The following CACNA1H variants were observed in gnomAD, a reference collection of about 807,000 sequenced individuals.
CACNA1H encodes calcium voltage-gated channel subunit alpha1 H.
In CACNA1H, 149 loss-of-function variants were observed where a neutral mutation model predicts 192.5. That is an observed-to-expected ratio of 0.77 (90% CI 0.68 to 0.89). The LOEUF (loss-of-function observed/expected upper bound fraction) is 0.89. Among genes scored for constraint, CACNA1H ranks in the 40% least tolerant of loss-of-function variants. The pLI is 0.00. For synonymous variants in CACNA1H, 2,202 were observed against 1,475.2 expected (o/e 1.49, Z -11.29); for missense variants, 4,257 against 3,423.5 (o/e 1.24, Z -6.08).
Position 1,212,422 on chromosome 16 carries a change from G to A in CACNA1H, c.4760-89G>A, listed in dbSNP as rs552943329. ...TCCACGAGGAGCCAGCACAGCCCCC[G>A]AGACACGGGGGCTGAGGGAGAGCAG... On this transcript the variant is annotated intron_variant, in intron 25 of 34. Transcript: ENST00000348261. 2.4e-4 allele frequency: 329 copies of A among 1,373,930 alleles called. 3 individuals are homozygous for A. In the South Asian group the frequency reaches 3.5e-3, roughly 15 times the overall value. 85.1% of individuals were successfully genotyped at this position (1,373,930 alleles called of 1,614,324 possible).
In CACNA1H at chr16:1,211,254, G is replaced by C; in HGVS notation, c.4310G>C (p.Cys1437Ser). 1.9e-6 allele frequency: 3 copies of C among 1,613,144 alleles called. No individual in the cohort carries two copies. The highest frequency in any genetic ancestry group is 1.1e-5 in the South Asian group (1 of 91,082). ...LRPIGNIVLI[C>S]CAFFIIFGIL... Reference sequence around the variant, plus strand: ...CCCATTGGGAACATCGTCCTCATCTGCTGCGCCTTCTTCATCATTTTTGGC... The same window carrying C: ...CCCATTGGGAACATCGTCCTCATCTCCTGCGCCTTCTTCATCATTTTTGGC... Residue 1437 changes from cysteine (C) to serine (S), a missense_variant, in exon 22 of 35, where the codon TGC (cysteine) becomes TCC (serine). Transcript: ENST00000348261.
chr16:1,210,123 C>G lies in CACNA1H; in HGVS notation c.3833C>G (p.Ser1278Cys), dbSNP rs943386658. 15 of 1,557,232 alleles carry G rather than the reference C, an allele frequency of 9.6e-6. No homozygotes were observed. The highest frequency in any genetic ancestry group is 1.3e-5 in the Non-Finnish European group (15 of 1,151,088). ...GAGGCCTGGGCCCTCTACCTCTTCT[C>G]CCCACAGAACCGGTGAGGCGGCCGG... is the stretch of plus-strand genomic sequence containing the variant. ...SREAWALYLFSPQNRFRVSCQ... is the reference protein window; with the variant it reads ...SREAWALYLFCPQNRFRVSCQ... Residue 1278 changes from serine (S) to cysteine (C), a missense_variant, in exon 18 of 35, where the codon TCC becomes TGC. Transcript: ENST00000348261.
intron 30 of CACNA1H, 140 bp downstream of exon 30, chr16:1,215,733 T>C: frequency 1.4e-6 from 1 of 711,886 alleles, no homozygotes. Flanking sequence ...CCCTGCTGTG[T>C]GCAGTGCATG....
At chr16:1,204,701 C>A (rs140382561) in intron 10 of CACNA1H, among the ~76,000 whole-genome samples, 3 of 151,690 alleles carry the variant, frequency 2.0e-5, no homozygotes, top group Non-Finnish European at 2.9e-5. Flanking sequence ...TGAGATGCTG[C>A]TGCAGCCCTC....
In CACNA1H at chr16:1,220,545, C is replaced by G; in HGVS notation, c.6613C>G (p.Arg2205Gly). The change falls in exon 35 of 35, where the codon CGG (arginine) becomes GGG (glycine). Residue 2205 changes from arginine (R) to glycine (G), a missense_variant. Arg to Gly is a moderately radical substitution (Grantham distance 125). Coordinates refer to ENST00000348261, the MANE Select transcript of CACNA1H (RefSeq NM_021098.3). ...EPPAEDEGSA[R>G]PSAAEGGSTT... ...CCCTGCGGAGGACGAGGGCTCTGCGCGGCCCTCCGCGGCAGAGGGCGGCAG... is the reference window on the plus strand; with the variant it reads ...CCCTGCGGAGGACGAGGGCTCTGCGGGGCCCTCCGCGGCAGAGGGCGGCAG... 1 of 1,530,778 alleles carries G rather than the reference C, an allele frequency of 6.5e-7. No homozygotes were observed. Among genetic ancestry groups the G allele is most frequent in the Non-Finnish European group, 8.7e-7 (1 of 1,145,708 alleles). The allele number at this position is 1,530,778 out of a possible 1,614,324, so 94.8% of individuals were successfully genotyped here. A position where few individuals can be genotyped will look rare whatever the true frequency, so the allele number is the denominator to read the frequency against.
chr16:1,175,117 G>A (rs1964747012), intron 2 of CACNA1H, among the ~76,000 whole-genome samples: 2 of 151,956 alleles, frequency 1.3e-5, no homozygotes, highest in Admixed American at 6.6e-5. Context: ...CACTGCGCGC[G>A]CAGGCCAACG....
chr16:1,176,176 C>T (rs1964868925), intron 2 of CACNA1H, among the ~76,000 whole-genome samples: 1 of 152,236 alleles, frequency 6.6e-6, no homozygotes, highest in South Asian at 2.1e-4. Flanking sequence ...AACATAAACG[C>T]TGTGTGGTTA....
intron 2 of CACNA1H, among the ~76,000 whole-genome samples, chr16:1,166,293 A>G (rs890376846): frequency 3.3e-5 from 5 of 152,126 alleles, no homozygotes; most frequent in East Asian, 3.9e-4. Context: ...AGCGGGAGAC[A>G]GGAGCTCCCT....
At chr16:1,159,825 C>T (rs1015940692) in intron 2 of CACNA1H, 2 of 152,324 alleles carry the variant, frequency 1.3e-5, no homozygotes, top group African/African-American at 4.8e-5. Context: ...GCAACACGCT[C>T]CAAGCACCCG....
chr16:1,207,798 A>T lies in CACNA1H; in HGVS notation c.3092A>T (p.Glu1031Val), dbSNP rs750277776. Reference protein sequence around the residue: ...EGDANRSDTDEDKTSVHFEED... With the variant: ...EGDANRSDTDVDKTSVHFEED... ...GATGCCAACAGATCCGACACGGACGAGGACAAGACGTCGGTCCACTTCGAG... is the reference window on the plus strand; with the variant it reads ...GATGCCAACAGATCCGACACGGACGTGGACAAGACGTCGGTCCACTTCGAG... Residue 1031 changes from glutamate to valine, a missense_variant, in exon 15 of 35, where the codon GAG becomes GTG. Glu to Val is a moderately radical substitution (Grantham distance 121). Transcript: ENST00000348261. The T allele has an allele frequency of 6.2e-7, 1 of 1,603,354 alleles. No individual in the cohort carries two copies. The highest frequency in any genetic ancestry group is 8.5e-7 in the Non-Finnish European group (1 of 1,175,198).
intron 18 of CACNA1H, 85 bp from the exon 19 acceptor site, chr16:1,210,285 C>T (rs1052094977): frequency 2.5e-5 from 32 of 1,299,430 alleles, no homozygotes; most frequent in Middle Eastern, 2.2e-4. Flanking sequence ...GAAGTGGAGG[C>T]GTGGCCAGGG....
rs189638375 is a variant in CACNA1H at position 1,200,868 on chromosome 16, G to T, written c.1212+60G>T. ...CCTGGTGTTAGCTGGCTGGGGGTGG[G>T]GTGGGGTACCTGGGTGGTCATAGGG... On this transcript the variant is annotated intron_variant, in intron 8 of 34. Coordinates refer to ENST00000348261, the MANE Select transcript of CACNA1H (RefSeq NM_021098.3). 525 of 1,380,900 alleles carry T rather than the reference G, an allele frequency of 3.8e-4. 3 individuals carry two copies. The African/African-American group carries it at 6.4e-3, about 17-fold the overall frequency. The allele number at this position is 1,380,900 out of a possible 1,614,324, so 85.5% of individuals were successfully genotyped here.
At chr16:1,199,388 C>T (rs1343731269) in intron 6 of CACNA1H, among the ~76,000 whole-genome samples, 1 of 14,442 alleles carries the variant, frequency 6.9e-5, no homozygotes, top group African/African-American at 4.5e-4. Flanking sequence ...GCTCCGCCCA[C>T]GGTGCGGTCG....
rs117352555 is a variant in CACNA1H at position 1,209,790 on chromosome 16, G to A, written c.3745-245G>A. 3.2e-3 allele frequency among the ~76,000 whole-genome samples: 482 copies of A among 152,268 alleles called. 1 individual carries two copies. Among genetic ancestry groups the A allele is most frequent in the Non-Finnish European group, 4.9e-3 (331 of 68,004 alleles). ...CAGAGTCAGGGACCCAAGAGCACCCGCTCACCTGGCCCCGTGGACTCCAGC... is the reference window on the plus strand; with the variant it reads ...CAGAGTCAGGGACCCAAGAGCACCCACTCACCTGGCCCCGTGGACTCCAGC... On this transcript the variant is annotated intron_variant, in intron 17 of 34. Transcript: ENST00000348261.
At chr16:1,184,581 C>T (rs190753203) in intron 2 of CACNA1H, among the ~76,000 whole-genome samples, 160 of 152,390 alleles carry the variant, frequency 1.0e-3, no homozygotes, top group African/African-American at 3.5e-3. Flanking sequence ...CGTAGGCATC[C>T]AGGCCCCCTG....
At chr16:1,156,053 C>T (rs998616302) in intron 2 of CACNA1H, among the ~76,000 whole-genome samples, 5 of 152,142 alleles carry the variant, frequency 3.3e-5, no homozygotes, top group Admixed American at 6.5e-5. Context: ...CCCCAGGGCT[C>T]TCTGGGCTGG....
At position 1,202,470 on chromosome 16, in the gene CACNA1H, C is replaced by A. The variant is rs760284849; in HGVS notation, c.2002+18C>A. On this transcript the variant is annotated intron_variant, in intron 9 of 34. Coordinates refer to ENST00000348261, the MANE Select transcript of CACNA1H (RefSeq NM_021098.3). ...GGAGCATGGTGAGGACCCAGCCCCACCCCACGGAGGAGGCGGTGGGACCTA... is the reference window on the plus strand; with the variant it reads ...GGAGCATGGTGAGGACCCAGCCCCAACCCACGGAGGAGGCGGTGGGACCTA... The A allele has an allele frequency of 2.0e-5, 29 of 1,467,762 alleles. No individual in the cohort carries two copies. Among genetic ancestry groups the A allele is most frequent in the Non-Finnish European group, 2.6e-5 (29 of 1,106,876 alleles). The allele number at this position is 1,467,762 out of a possible 1,614,324, so 90.9% of individuals were successfully genotyped here. A position where few individuals can be genotyped will look rare whatever the true frequency, so the allele number is the denominator to read the frequency against.
Position 1,221,315 on chromosome 16 carries a change from G to T in CACNA1H, c.*321G>T. 2 of 399,512 alleles carry T rather than the reference G, an allele frequency of 5.0e-6. No individual in the cohort carries two copies. Among genetic ancestry groups the T allele is most frequent in the Non-Finnish European group, 4.5e-6 (1 of 224,706 alleles). 24.7% of individuals were successfully genotyped at this position (399,512 alleles called of 1,614,324 possible). On this transcript the variant is annotated 3_prime_UTR_variant, in exon 35 of 35. Transcript: ENST00000348261. ...AAGACCGGGCACCCGCCAGAGAGGG[G>T]AAGGTACCAGGTTGCGTCCTTTCAG...
intron 5 of CACNA1H, among the ~76,000 whole-genome samples, chr16:1,197,456 T>A (rs1244090387): frequency 1.3e-5 from 2 of 152,228 alleles, no homozygotes; most frequent in Non-Finnish European, 2.9e-5. Context: ...GCCCTAATTG[T>A]CGCCAGCAGC....
Sources: allele counts gnomAD v4.1 joint callset (sites outside exome capture counted in the v4.1 genomes callset), GRCh38; gene constraint gnomAD v4.1.1; transcripts MANE v1.5; gene names NCBI Gene and HGNC (gene_info 2026-07-23, HGNC 2026-07-21).